The following NEDD4L variants were observed in gnomAD, a reference collection of about 807,000 sequenced individuals.
NEDD4L encodes the protein E3 ubiquitin-protein ligase NEDD4-like.
In NEDD4L, 54 loss-of-function variants were observed where a neutral mutation model predicts 148.9. The observed-to-expected ratio is 0.36, with a 90% CI of 0.29 to 0.45. NEDD4L has a LOEUF of 0.45. Ranked by LOEUF, NEDD4L falls within the 20% of genes least tolerant of loss-of-function variation. NEDD4L has a pLI of 1.00. For synonymous variants in NEDD4L, 433 were observed against 440.7 expected, an observed-to-expected ratio of 0.98 and a Z score of 0.22; for missense variants, 856 against 1,233.8, an observed-to-expected ratio of 0.69 and a Z score of 4.59.
intron 1 of NEDD4L, among the ~76,000 whole-genome samples, chr18:58,127,343 A>G (rs1568254244): frequency 6.6e-6 from 1 of 152,224 alleles, no homozygotes; most frequent in Non-Finnish European, 1.5e-5. Flanking sequence ...GCAGCGCTGT[A>G]TTTGTTTACA....
intron 18 of NEDD4L, among the ~76,000 whole-genome samples, chr18:58,354,269 G>T (rs2044298137): frequency 6.6e-6 from 1 of 152,158 alleles, no homozygotes; most frequent in African/African-American, 2.4e-5. Flanking sequence ...CATTAGAAGA[G>T]AAAATTGAAT....
intron 16 of NEDD4L, among the ~76,000 whole-genome samples, chr18:58,345,461 A>G (rs1448931765): frequency 6.6e-6 from 1 of 152,232 alleles, no homozygotes; most frequent in Non-Finnish European, 1.5e-5. Flanking sequence ...CAGCATAGCT[A>G]TTCTTAGATT....
chr18:58,398,157 T>TAAAAAAAAAAAAAAAAAAAA lies in NEDD4L; in HGVS notation c.*1906_*1925dup, dbSNP rs35545013. On this transcript the variant is annotated 3_prime_UTR_variant, in exon 31 of 31. Transcript: ENST00000400345. Reference sequence around the variant, plus strand: ...TCAGAAAACTTAGATGCTATGTAACTAAAAAAAAAAAAAAAAAAAAAAAAA... The same window carrying TAAAAAAAAAAAAAAAAAAAA: ...TCAGAAAACTTAGATGCTATGTAACTAAAAAAAAAAAAAAAAAAAAAAAAAAAAAAAAAAAAAAAAAAAAA... 6.5e-5 allele frequency: 2 copies of TAAAAAAAAAAAAAAAAAAAA among 30,982 alleles called. No homozygotes were observed. The highest frequency in any genetic ancestry group is 1.8e-4 in the African/African-American group (2 of 10,902). 1.9% of individuals were successfully genotyped at this position (30,982 alleles called of 1,614,324 possible). A position where few individuals can be genotyped will look rare whatever the true frequency, so the allele number is the denominator to read the frequency against.
chr18:58,293,294 A>G (rs2055041514), intron 5 of NEDD4L, among the ~76,000 whole-genome samples: 1 of 152,176 alleles, frequency 6.6e-6, no homozygotes, highest in African/African-American at 2.4e-5. Context: ...TATTTTATGA[A>G]GCTATGATGA....
At chr18:58,220,995 C>A (rs292455) in intron 2 of NEDD4L, among the ~76,000 whole-genome samples, 1 of 151,904 alleles carries the variant, frequency 6.6e-6, no homozygotes, top group Non-Finnish European at 1.5e-5. Flanking sequence ...ATGCACAGTA[C>A]AGACTGCAGA....
intron 24 of NEDD4L, among the ~76,000 whole-genome samples, chr18:58,381,242 C>G (rs2048293456): frequency 6.6e-6 from 1 of 152,078 alleles, no homozygotes; most frequent in South Asian, 2.1e-4. Context: ...AATTAGACTC[C>G]CACCCACAGT....
chr18:58,145,548 G>A (rs1325151466), intron 1 of NEDD4L, among the ~76,000 whole-genome samples: 2 of 152,054 alleles, frequency 1.3e-5, no homozygotes, highest in East Asian at 1.9e-4. Flanking sequence ...CTAGCTGATT[G>A]ACAGTATCCA....
At chr18:58,325,187 A>ACACGTG in intron 9 of NEDD4L, 25 bp downstream of exon 9, 1 of 1,612,820 alleles carries the variant, frequency 6.2e-7, no homozygotes, top group Non-Finnish European at 8.5e-7. Context: ...ATGGTCAGGA[A>ACACGTG]CACGTGCACG....
At chr18:58,309,479 G>A (rs1446179217) in intron 5 of NEDD4L, among the ~76,000 whole-genome samples, 1 of 152,114 alleles carries the variant, frequency 6.6e-6, no homozygotes, top group African/African-American at 2.4e-5. Context: ...AGACCCTGTG[G>A]CTGCTGAGCA....
chr18:58,110,130 T>C (rs1341817218), intron 1 of NEDD4L, among the ~76,000 whole-genome samples: 1 of 152,160 alleles, frequency 6.6e-6, no homozygotes, highest in African/African-American at 2.4e-5. Context: ...TGGGTGTGTC[T>C]GGGGTGGGCA....
At chr18:58,199,221 T>C (rs1273876848) in intron 2 of NEDD4L, among the ~76,000 whole-genome samples, 1 of 152,266 alleles carries the variant, frequency 6.6e-6, no homozygotes, top group East Asian at 1.9e-4. Context: ...TCTTCTTACA[T>C]TGCGATAGAA....
chr18:58,156,430 C>T (rs2035504619), intron 1 of NEDD4L, among the ~76,000 whole-genome samples: 1 of 152,152 alleles, frequency 6.6e-6, no homozygotes. Context: ...TTTAATTATT[C>T]CTGCGCTTTG....
intron 1 of NEDD4L, among the ~76,000 whole-genome samples, chr18:58,151,625 A>ATG (rs113714456): frequency 0.04 from 5,707 of 141,048 alleles, 142 homozygotes; most frequent in Middle Eastern, 0.067. Context: ...GTGCCTGGAT[A>ATG]TGTGTGTGTG....
At chr18:58,114,083 A>T (rs1363512023) in intron 1 of NEDD4L, among the ~76,000 whole-genome samples, 2 of 152,148 alleles carry the variant, frequency 1.3e-5, no homozygotes, top group Non-Finnish European at 2.9e-5. Context: ...TTAAAATATG[A>T]ACGTAGGCCC....
At chr18:58,316,084 T>C in intron 6 of NEDD4L, 52 bp downstream of exon 6, 1 of 1,424,984 alleles carries the variant, frequency 7.0e-7, no homozygotes, top group East Asian at 2.3e-5. Context: ...GGGTTTCTAA[T>C]TGTTTGTAGT....
At chr18:58,161,608 T>TA (rs1039144941) in intron 1 of NEDD4L, among the ~76,000 whole-genome samples, 1 of 152,158 alleles carries the variant, frequency 6.6e-6, no homozygotes, top group African/African-American at 2.4e-5. Context: ...GACATTTTTT[T>TA]AAAAATGAGA....
intron 1 of NEDD4L, among the ~76,000 whole-genome samples, chr18:58,120,157 A>G (rs1262618595): frequency 7.2e-5 from 11 of 152,188 alleles, no homozygotes; most frequent in Non-Finnish European, 8.8e-5. Flanking sequence ...GACGTCAGCC[A>G]GATTGGACTG....
chr18:58,093,434 TC>T (rs1420276291), intron 1 of NEDD4L, among the ~76,000 whole-genome samples: 1 of 152,212 alleles, frequency 6.6e-6, no homozygotes, highest in Non-Finnish European at 1.5e-5. Flanking sequence ...ATTATATTTG[TC>T]CCTTAGGCTA....
At chr18:58,203,674 A>G (rs1185505699) in intron 2 of NEDD4L, among the ~76,000 whole-genome samples, 1 of 151,048 alleles carries the variant, frequency 6.6e-6, no homozygotes, top group Non-Finnish European at 1.5e-5. Flanking sequence ...TAAAATAACC[A>G]TGACTGGTAA....
Sources: allele counts gnomAD v4.1 joint callset (sites outside exome capture counted in the v4.1 genomes callset), GRCh38; gene constraint gnomAD v4.1.1; transcripts MANE v1.5; gene names NCBI Gene and HGNC (gene_info 2026-07-23, HGNC 2026-07-21).